MGST2: variants seen among roughly 807,000 people sequenced by gnomAD.
MGST2 encodes the protein glutathione peroxidase MGST2.
In MGST2, 9 loss-of-function variants were observed where a neutral mutation model predicts 16.6. The ratio of observed to expected loss-of-function variants is 0.54; its 90% CI spans 0.33 to 0.95. The LOEUF (loss-of-function observed/expected upper bound fraction) is 0.95. Among genes scored for constraint, MGST2 ranks in the 40% least tolerant of loss-of-function variants. The pLI is 0.03. For synonymous variants in MGST2, 79 were observed against 68.0 expected, an observed-to-expected ratio of 1.16 and a Z score of -0.79; for missense variants, 159 against 175.1, an observed-to-expected ratio of 0.91 and a Z score of 0.52.
At position 139,698,030 on chromosome 4, in the gene MGST2, G is replaced by T. The variant is rs1579324479; in HGVS notation, c.229+2763G>T. On this transcript the variant is annotated intron_variant, in intron 3 of 4. Coordinates refer to ENST00000265498, the MANE Select transcript of MGST2 (RefSeq NM_002413.5). ...TTTTCCACTCGCAATCATATACTTA[G>T]GTACCTTTTGACCCCATGGAAAAAA... 1.3e-5 allele frequency: 8 copies of T among 623,020 alleles called. No homozygotes were observed. In the East Asian group the frequency reaches 1.9e-4, roughly 15 times the overall value. The allele number at this position is 623,020 out of a possible 1,614,324, so 38.6% of individuals were successfully genotyped here. A position where few individuals can be genotyped will look rare whatever the true frequency, so the allele number is the denominator to read the frequency against.
intron 5 of MGST2, among the ~76,000 whole-genome samples, chr4:139,720,531 C>T (rs1560767488): frequency 6.6e-6 from 1 of 152,088 alleles, no homozygotes; most frequent in Non-Finnish European, 1.5e-5. Flanking sequence ...AATACAGAGA[C>T]AAAAATTAAA....
chr4:139,711,548 GGCACTGGTGGGAGTGTA>G (rs1727742318), intron 5 of MGST2, among the ~76,000 whole-genome samples: 1 of 152,088 alleles, frequency 6.6e-6, no homozygotes, highest in African/African-American at 2.4e-5. Context: ...AAACTCTCAT[GGCACTGGTGGGAGTGTA>G]GCAGAGAGGA....
chr4:139,703,816 A>G (rs954947722), intron 4 of MGST2, among the ~76,000 whole-genome samples, 200 bp from the exon 5 acceptor site: 2 of 152,252 alleles, frequency 1.3e-5, no homozygotes, highest in African/African-American at 4.8e-5. Flanking sequence ...TAGCCTTGAT[A>G]ATGCTTTGAA....
rs575690290 is a variant in MGST2, at chr4:139,698,653, T to C, written c.229+3386T>C. 44 of 779,442 alleles carry C rather than the reference T, an allele frequency of 5.6e-5. No individual in the cohort carries two copies. The Admixed American group carries it at 7.2e-4, about 13-fold the overall frequency. 48.3% of individuals were successfully genotyped at this position (779,442 alleles called of 1,614,324 possible). A position where few individuals can be genotyped will look rare whatever the true frequency, so the allele number is the denominator to read the frequency against. On this transcript the variant is annotated intron_variant, in intron 3 of 4. Transcript: ENST00000265498. ...TGGAGAGCCAAGTATGTGTTTCTTA[T>C]AGCAATCCTGCTCCCACATAAAAGC...
chr4:139,741,893 C>G (rs906281131), downstream of MGST2, among the ~76,000 whole-genome samples: 2 of 152,044 alleles, frequency 1.3e-5, no homozygotes, highest in Non-Finnish European at 2.9e-5. Context: ...TTTTAAAACG[C>G]CCTATTGTCA....
intron 5 of MGST2, among the ~76,000 whole-genome samples, chr4:139,713,504 A>C (rs1444829900): frequency 2.0e-5 from 3 of 151,712 alleles, no homozygotes; most frequent in Admixed American, 2.0e-4. Flanking sequence ...AAAAGGAGAA[A>C]AATAATTCAG....
At chr4:139,723,631 G>A (rs1429491656) in intron 5 of MGST2, among the ~76,000 whole-genome samples, 1 of 152,046 alleles carries the variant, frequency 6.6e-6, no homozygotes, top group Non-Finnish European at 1.5e-5. Flanking sequence ...GTTTTTAACT[G>A]GACCCAAAAC....
chr4:139,690,282 G>A (rs906235472), intron 2 of MGST2, among the ~76,000 whole-genome samples: 16 of 151,846 alleles, frequency 1.1e-4, no homozygotes, highest in South Asian at 4.2e-4. Flanking sequence ...GTGAGCCACC[G>A]CTCCTGGCCT....
chr4:139,689,171 C>A (rs1269390031), intron 2 of MGST2, among the ~76,000 whole-genome samples: 1 of 151,660 alleles, frequency 6.6e-6, no homozygotes, highest in Non-Finnish European at 1.5e-5. Context: ...TGATGAGCTC[C>A]TCAAACTCCA....
At chr4:139,725,124 A>C (rs1489609973) in intron 5 of MGST2, among the ~76,000 whole-genome samples, 1 of 152,162 alleles carries the variant, frequency 6.6e-6, no homozygotes. Flanking sequence ...TTTATAAAGG[A>C]GTGCCAACAC....
chr4:139,725,730 G>A, intron 5 of MGST2: 1 of 1,611,282 alleles, frequency 6.2e-7, no homozygotes, highest in Non-Finnish European at 8.5e-7. Context: ...TATAAAATGA[G>A]AGAGGTTGCA....
chr4:139,698,395 G>GTA, intron 3 of MGST2: 1 of 1,593,532 alleles, frequency 6.3e-7, no homozygotes, highest in Non-Finnish European at 8.6e-7. Context: ...TTCTGATAAC[G>GTA]TCTAATTTCA....
chr4:139,666,884 G>A (rs983417503), intron 1 of MGST2, among the ~76,000 whole-genome samples: 14 of 152,232 alleles, frequency 9.2e-5, no homozygotes, highest in African/African-American at 3.4e-4. Flanking sequence ...TCACAGCTGA[G>A]GATCCAGTCC....
intron 5 of MGST2, among the ~76,000 whole-genome samples, chr4:139,729,769 C>T (rs1189853120): frequency 3.9e-5 from 6 of 152,118 alleles, no homozygotes; most frequent in South Asian, 4.2e-4. Context: ...AATTATAGGG[C>T]GAGGGTGGAC....
intron 3 of MGST2, among the ~76,000 whole-genome samples, chr4:139,696,602 C>T (rs1218909536): frequency 6.6e-6 from 1 of 151,616 alleles, no homozygotes. Context: ...TATCTTGAGA[C>T]CCTTCATCCC....
intron 2 of MGST2, among the ~76,000 whole-genome samples, chr4:139,679,522 C>T (rs1344404616): frequency 2.0e-5 from 3 of 151,736 alleles, no homozygotes; most frequent in African/African-American, 7.3e-5. Flanking sequence ...ATAATCTGGG[C>T]CTAATGTTTT....
intron 5 of MGST2, among the ~76,000 whole-genome samples, chr4:139,733,232 T>G (rs1348123633): frequency 2.0e-5 from 3 of 152,240 alleles, no homozygotes; most frequent in Admixed American, 2.0e-4. Context: ...TCTCAGTATA[T>G]TTGATACTTT....
Position 139,704,232 on chromosome 4 carries a change from C to G in MGST2, c.*84C>G. On this transcript the variant is annotated 3_prime_UTR_variant, in exon 5 of 5. Coordinates refer to ENST00000265498, the MANE Select transcript of MGST2 (RefSeq NM_002413.5). ...ATCATTTGTTAAATAAAAATAAAGT[C>G]TTTATTCTGTTTTTCTTGAAATGGC... 1 of 1,515,668 alleles carries G rather than the reference C, an allele frequency of 6.6e-7. No homozygotes were observed. 93.9% of individuals were successfully genotyped at this position (1,515,668 alleles called of 1,614,324 possible).
intron 5 of MGST2, among the ~76,000 whole-genome samples, chr4:139,738,014 T>C (rs961885279): frequency 6.6e-6 from 1 of 152,256 alleles, no homozygotes; most frequent in African/African-American, 2.4e-5. Flanking sequence ...GCTAAATGGG[T>C]CCAGCAAAGC....
Sources: allele counts gnomAD v4.1 joint callset (sites outside exome capture counted in the v4.1 genomes callset), GRCh38; gene constraint gnomAD v4.1.1; transcripts MANE v1.5; gene names NCBI Gene and HGNC (gene_info 2026-07-23, HGNC 2026-07-21).